DRAM2: variants seen among roughly 807,000 people sequenced by gnomAD.
The protein encoded by DRAM2 is DNA damage-regulated autophagy modulator protein 2.
DRAM2 carries 26 observed loss-of-function variants against 33.5 expected under a neutral mutation model. The observed-to-expected ratio is 0.78, with a 90% CI of 0.57 to 1.08. DRAM2 has a LOEUF of 1.08. DRAM2 is among the 50% of genes least tolerant of loss of function. The probability of loss-of-function intolerance (pLI) is 0.00; values close to 1 mark genes in which losing one functional copy is unlikely to be tolerated. For missense variants in DRAM2, 311 were observed against 318.1 expected, an observed-to-expected ratio of 0.98 and a Z score of 0.17; for synonymous variants, 98 against 109.5, an observed-to-expected ratio of 0.89 and a Z score of 0.66.
chr1:111,120,473 C>G, intron 7 of DRAM2, 43 bp downstream of exon 7: 1 of 1,215,010 alleles, frequency 8.2e-7, no homozygotes, highest in South Asian at 1.8e-5. Context: ...TCTTGTCATT[C>G]AATTCCTTTC....
chr1:111,126,084 G>T, intron 5 of DRAM2, 143 bp downstream of exon 5: 2 of 585,148 alleles, frequency 3.4e-6, no homozygotes, highest in Non-Finnish European at 3.1e-6. Flanking sequence ...CTTTTAAAAG[G>T]AGCATAATTA....
intron 8 of DRAM2, 32 bp downstream of exon 8, chr1:111,119,845 T>A (rs766525902): frequency 4.5e-6 from 7 of 1,548,454 alleles, no homozygotes; most frequent in Non-Finnish European, 6.2e-6. Context: ...ATCTTTAATA[T>A]AAAACTAAGT....
At chr1:111,138,381 T>C (rs931644850) in intron 2 of DRAM2, among the ~76,000 whole-genome samples, 2 of 152,234 alleles carry the variant, frequency 1.3e-5, no homozygotes, top group African/African-American at 4.8e-5. Flanking sequence ...TGCTGAGTAA[T>C]TGCCAAACCA....
chr1:111,126,152 A>G, intron 5 of DRAM2, 75 bp downstream of exon 5: 2 of 891,822 alleles, frequency 2.2e-6, no homozygotes, highest in Admixed American at 1.7e-5. Flanking sequence ...AAAACAAGTA[A>G]CACTCCAGTG....
At chr1:111,137,895 G>T (rs1327491559) in intron 2 of DRAM2, among the ~76,000 whole-genome samples, 1 of 152,018 alleles carries the variant, frequency 6.6e-6, no homozygotes, top group African/African-American at 2.4e-5. Context: ...AGAGACATGA[G>T]GAAAAAAATA....
rs1462337421 is a variant in DRAM2, at chr1:111,117,761, T to C, written c.*399A>G. ...AGGATTTACTGACTAATGCTGATTA[T>C]TTAGTCATGGAAAATGTCTCTCATA... On this transcript the variant is annotated 3_prime_UTR_variant, in exon 10 of 10. Transcript: ENST00000484310. 5.6e-6 allele frequency: 1 copy of C among 179,998 alleles called. No homozygotes were observed. Among genetic ancestry groups the C allele is most frequent in the South Asian group, 1.1e-4 (1 of 9,260 alleles). The allele number at this position is 179,998 out of a possible 1,614,324, so 11.2% of individuals were successfully genotyped here. A position where few individuals can be genotyped will look rare whatever the true frequency, so the allele number is the denominator to read the frequency against.
chr1:111,126,286 C>T lies in DRAM2; in HGVS notation c.140G>A (p.Gly47Asp). The T allele has an allele frequency of 6.2e-7, 1 of 1,606,360 alleles. No individual in the cohort carries two copies. Among genetic ancestry groups the T allele is most frequent in the Non-Finnish European group, 8.5e-7 (1 of 1,175,046 alleles). The change falls in exon 5 of 10, where the codon GGT (glycine) becomes GAT (aspartate). Residue 47 changes from glycine to aspartate, a missense_variant. Coordinates refer to ENST00000484310, the MANE Select transcript of DRAM2 (RefSeq NM_001349884.2). ...DPALPYISDTGTVAPEKCLFG... is the reference protein window; with the variant it reads ...DPALPYISDTDTVAPEKCLFG... Reference sequence around the variant, plus strand: ...TAAGCATTTTTCTGGAGCTACTGTACCAGTGTCACTGAAAGAAAAAAAGGA... The same window carrying T: ...TAAGCATTTTTCTGGAGCTACTGTATCAGTGTCACTGAAAGAAAAAAAGGA...
At chr1:111,127,923 A>G (rs935617713) in intron 4 of DRAM2, 1 of 152,188 alleles carries the variant, frequency 6.6e-6, no homozygotes, top group African/African-American at 2.4e-5. Context: ...AAATATTGGC[A>G]AAGTTTAAAT....
chr1:111,135,080 G>A (rs1439159241), intron 3 of DRAM2, among the ~76,000 whole-genome samples: 1 of 152,194 alleles, frequency 6.6e-6, no homozygotes, highest in Non-Finnish European at 1.5e-5. Context: ...TGCCAGGAGG[G>A]AGACATTTTT....
In DRAM2 at chr1:111,120,679, A is replaced by C. The variant is rs1202647268; in HGVS notation, c.354T>G (p.Phe118Leu). The stretch of plus-strand genomic sequence containing the variant: ...GCACAGCTCCACTTACATGTGCAGC[A>C]AAAAGGGTTGTTTTCTGAGAGATAG... ...IVANFQKTTL[F>L]AAHVSGAVLT... is the part of the protein sequence containing the mutation. Residue 118 changes from phenylalanine to leucine, a missense_variant, in exon 7 of 10, where the codon TTT becomes TTG. By Grantham distance (22) the Phe-to-Leu change is conservative. Transcript: ENST00000484310. 1 of 1,546,610 alleles carries C rather than the reference A, an allele frequency of 6.5e-7. No homozygotes were observed. The highest frequency in any genetic ancestry group is 2.0e-5 in the Admixed American group (1 of 51,144).
intron 2 of DRAM2, among the ~76,000 whole-genome samples, chr1:111,138,494 T>C (rs1315018259): frequency 5.3e-5 from 8 of 152,208 alleles, no homozygotes; most frequent in Admixed American, 2.0e-4. Flanking sequence ...TTTATAAAAA[T>C]GTTCTTGCAG....
At position 111,118,024 on chromosome 1, in the gene DRAM2, G is replaced by A; in HGVS notation, c.*136C>T. On this transcript the variant is annotated 3_prime_UTR_variant, in exon 10 of 10. Coordinates refer to ENST00000484310, the MANE Select transcript of DRAM2 (RefSeq NM_001349884.2). ...TCAAATGGCTTCTTTCATGTTTCCT[G>A]ATTATCAGCATTCATCAGTGTTACT... is the stretch of plus-strand genomic sequence containing the variant. 1.3e-6 allele frequency: 1 copy of A among 745,054 alleles called. No individual in the cohort carries two copies. Among genetic ancestry groups the A allele is most frequent in the East Asian group, 2.6e-5 (1 of 37,828 alleles). The allele number at this position is 745,054 out of a possible 1,614,324, so 46.2% of individuals were successfully genotyped here.
intron 3 of DRAM2, among the ~76,000 whole-genome samples, chr1:111,131,845 T>C (rs1317087844): frequency 6.6e-6 from 1 of 152,190 alleles, no homozygotes; most frequent in African/African-American, 2.4e-5. Context: ...TTATTTCAAA[T>C]CTACCCTTTT....
rs1649251345 is a variant in DRAM2, at chr1:111,117,993, AATCT to A, written c.*163_*166del. 1.1e-5 allele frequency: 7 copies of A among 638,450 alleles called. No individual in the cohort carries two copies. Among genetic ancestry groups the A allele is most frequent in the Non-Finnish European group, 1.9e-5 (7 of 363,936 alleles). The allele number at this position is 638,450 out of a possible 1,614,324, so 39.5% of individuals were successfully genotyped here. Reference sequence around the variant, plus strand: ...TCTTCTTGATGATATCCTTTAGAATAATCTATCAAATGGCTTCTTTCATGTTTCC... The same window carrying A: ...TCTTCTTGATGATATCCTTTAGAATAATCAAATGGCTTCTTTCATGTTTCC... On this transcript the variant is annotated 3_prime_UTR_variant, in exon 10 of 10. Coordinates refer to ENST00000484310, the MANE Select transcript of DRAM2 (RefSeq NM_001349884.2).
intron 4 of DRAM2, among the ~76,000 whole-genome samples, chr1:111,130,839 G>A (rs1189792064): frequency 1.2e-4 from 14 of 115,968 alleles, no homozygotes; most frequent in African/African-American, 4.8e-4. Context: ...TACTAAAAAT[G>A]CAAAAAAAAA....
intron 3 of DRAM2, among the ~76,000 whole-genome samples, chr1:111,135,411 T>C (rs1035233013): frequency 1.3e-5 from 2 of 152,208 alleles, no homozygotes; most frequent in Non-Finnish European, 2.9e-5. Flanking sequence ...GGAAACACAC[T>C]GCTAGTATAC....
At position 111,140,021 on chromosome 1, in the gene DRAM2, C is replaced by T. The variant is rs1037222988; in HGVS notation, c.-245+17G>A. The T allele has an allele frequency of 6.6e-6, 1 of 152,436 alleles. No homozygotes were observed. The highest frequency in any genetic ancestry group is 1.5e-5 in the Non-Finnish European group (1 of 68,248). 9.4% of individuals were successfully genotyped at this position (152,436 alleles called of 1,614,324 possible). ...GCAAGCGCTGGGGCCTGTCCCTTCT[C>T]CCCTACTTCGACTTACCTTACCAGA... On this transcript the variant is annotated intron_variant, in intron 1 of 9. Coordinates refer to ENST00000484310, the MANE Select transcript of DRAM2 (RefSeq NM_001349884.2).
Position 111,117,977 on chromosome 1 carries a change from T to C in DRAM2, c.*183A>G, listed in dbSNP as rs898695085. 1.6e-6 allele frequency: 1 copy of C among 608,586 alleles called. No homozygotes were observed. The highest frequency in any genetic ancestry group is 1.9e-5 in the African/African-American group (1 of 53,794). 37.7% of individuals were successfully genotyped at this position (608,586 alleles called of 1,614,324 possible). A position where few individuals can be genotyped will look rare whatever the true frequency, so the allele number is the denominator to read the frequency against. ...TAGGTGTTTTTAATAGTCTTCTTGA[T>C]GATATCCTTTAGAATAATCTATCAA... On this transcript the variant is annotated 3_prime_UTR_variant, in exon 10 of 10. Coordinates refer to ENST00000484310, the MANE Select transcript of DRAM2 (RefSeq NM_001349884.2).
chr1:111,136,730 TCA>T (rs758171189), intron 3 of DRAM2, among the ~76,000 whole-genome samples: 16 of 152,334 alleles, frequency 1.1e-4, no homozygotes, highest in African/African-American at 2.6e-4. Context: ...TTTTAATTCC[TCA>T]GTCACACTAC....
Sources: allele counts gnomAD v4.1 joint callset (sites outside exome capture counted in the v4.1 genomes callset), GRCh38; gene constraint gnomAD v4.1.1; transcripts MANE v1.5; gene names NCBI Gene and HGNC (gene_info 2026-07-23, HGNC 2026-07-21).